Variants in C3orf52 observed in about 807,000 individuals in gnomAD.
The protein encoded by C3orf52 is chromosome 3 open reading frame 52, also known as TPA-induced transmembrane protein.
C3orf52 carries 22 observed loss-of-function variants against 24.8 expected under a neutral mutation model. That is an observed-to-expected ratio of 0.89 (90% confidence interval 0.63 to 1.27). The LOEUF (loss-of-function observed/expected upper bound fraction) is 1.27. Ranked by LOEUF, C3orf52 falls within the 50% of genes most tolerant of loss-of-function variation. C3orf52 has a pLI of 0.00. For missense variants in C3orf52, 265 were observed against 260.7 expected, an observed-to-expected ratio of 1.02 and a Z score of -0.11; for synonymous variants, 93 against 100.2, an observed-to-expected ratio of 0.93 and a Z score of 0.43.
chr3:112,091,414 G>A (rs1034515563), intron 1 of C3orf52, among the ~76,000 whole-genome samples: 3 of 152,160 alleles, frequency 2.0e-5, no homozygotes, highest in Non-Finnish European at 1.5e-5. Context: ...GACAGCTCAG[G>A]TATTGGAAGA....
Position 112,086,440 on chromosome 3 carries a change from C to G in C3orf52, c.33C>G (p.Asp11Glu), listed in dbSNP as rs1019112520. The change falls in exon 1 of 6, where the codon GAC (aspartate) becomes GAG (glutamate). Residue 11 changes from aspartate (D) to glutamate (E), a missense_variant. Asp to Glu is a conservative substitution (Grantham distance 45). Coordinates refer to ENST00000264848, the MANE Select transcript of C3orf52 (RefSeq NM_024616.3). ...TGGCCCAACCCTCACAGCCAGTAGACGAGCTGGAGCTCTCGGTGCTCGAGC... is the reference window on the plus strand; with the variant it reads ...TGGCCCAACCCTCACAGCCAGTAGAGGAGCTGGAGCTCTCGGTGCTCGAGC... MDLAQPSQPV[D>E]ELELSVLERQ... 8 of 1,550,974 alleles carry G rather than the reference C, an allele frequency of 5.2e-6. No individual in the cohort carries two copies. In the African/African-American group the frequency reaches 8.2e-5, roughly 16 times the overall value.
At chr3:112,090,739 G>A (rs1334813899) in intron 1 of C3orf52, among the ~76,000 whole-genome samples, 1 of 152,168 alleles carries the variant, frequency 6.6e-6, no homozygotes. Flanking sequence ...ATAAAGGCAT[G>A]AGAGGCCAAG....
rs1475187362 is a variant in C3orf52, at chr3:112,128,442, C to G, written c.*256C>G. On this transcript the variant is annotated 3_prime_UTR_variant, in exon 5 of 5. Transcript: ENST00000480282. Reference sequence around the variant, plus strand: ...TTTTCAGGTATGGGTTAGGCAATATCAGTATTTTACTATATTCTGAATTTC... The same window carrying G: ...TTTTCAGGTATGGGTTAGGCAATATGAGTATTTTACTATATTCTGAATTTC... The G allele has an allele frequency of 3.3e-5, 12 of 360,632 alleles. No individual in the cohort carries two copies. In the Admixed American group the frequency reaches 3.4e-4, roughly 10 times the overall value. The allele number at this position is 360,632 out of a possible 1,614,324, so 22.3% of individuals were successfully genotyped here.
At chr3:112,090,551 G>A (rs1403368642) in intron 1 of C3orf52, among the ~76,000 whole-genome samples, 1 of 152,108 alleles carries the variant, frequency 6.6e-6, no homozygotes, top group Non-Finnish European at 1.5e-5. Context: ...GCGCTCAGCG[G>A]TCTTCCTCTT....
At chr3:112,126,836 G>T in intron 4 of C3orf52, 1 of 655,194 alleles carries the variant, frequency 1.5e-6, no homozygotes, top group Non-Finnish European at 2.7e-6. Context: ...CATCTACTGA[G>T]GACAAAGGAC....
intron 1 of C3orf52, among the ~76,000 whole-genome samples, chr3:112,089,714 C>G (rs1051269189): frequency 1.3e-5 from 2 of 151,996 alleles, no homozygotes; most frequent in Non-Finnish European, 2.9e-5. Context: ...TTTCCCTGAT[C>G]TATATAATAT....
At chr3:112,129,179 C>T (rs985196399), downstream of C3orf52, 3 of 151,956 alleles carry the variant, frequency 2.0e-5, no homozygotes, top group Non-Finnish European at 2.9e-5. Flanking sequence ...AAGGAAACAT[C>T]GTAAGAAAAC....
Position 112,117,109 on chromosome 3 carries a change from G to A in C3orf52, c.*463G>A, listed in dbSNP as rs115835167. The A allele has an allele frequency of 2.5e-3, 1,516 of 605,806 alleles. 14 individuals carry two copies. The highest frequency in any genetic ancestry group is 0.024 in the African/African-American group (1,328 of 54,258). The allele number at this position is 605,806 out of a possible 1,614,324, so 37.5% of individuals were successfully genotyped here. A position where few individuals can be genotyped will look rare whatever the true frequency, so the allele number is the denominator to read the frequency against. The stretch of plus-strand genomic sequence containing the variant: ...ACTGTCTTCTTTTAGGTGGGATCGC[G>A]TAAGCATGAGCTGGTAGAGCACGGA... On this transcript the variant is annotated 3_prime_UTR_variant, in exon 6 of 6. Coordinates refer to ENST00000264848, the MANE Select transcript of C3orf52 (RefSeq NM_024616.3).
intron 3 of C3orf52, among the ~76,000 whole-genome samples, chr3:112,108,198 G>C (rs139367654): frequency 1.6e-3 from 250 of 152,282 alleles, no homozygotes; most frequent in Non-Finnish European, 2.8e-3. Context: ...GAAAGGAAAT[G>C]AGTGAGAAAT....
At chr3:112,123,689 G>A in intron 4 of C3orf52, 1 of 1,614,188 alleles carries the variant, frequency 6.2e-7, no homozygotes, top group Non-Finnish European at 8.5e-7. Context: ...CTTCAGCAGA[G>A]TTCCCTGATG....
chr3:112,104,062 C>A (rs76703654), intron 3 of C3orf52, among the ~76,000 whole-genome samples: 8,836 of 152,142 alleles, frequency 0.058, 348 homozygotes, highest in East Asian at 0.12. Flanking sequence ...AGGGCAGTGT[C>A]GGGAAAATAA....
At chr3:112,116,419 CAAAT>C (rs1326170651) in intron 5 of C3orf52, among the ~76,000 whole-genome samples, 1 of 152,174 alleles carries the variant, frequency 6.6e-6, no homozygotes, top group African/African-American at 2.4e-5. Flanking sequence ...CCTACCCAAA[CAAAT>C]AAGCAAGAAA....
intron 4 of C3orf52, among the ~76,000 whole-genome samples, chr3:112,126,505 G>C (rs1178244423): frequency 6.6e-6 from 1 of 152,058 alleles, no homozygotes; most frequent in Non-Finnish European, 1.5e-5. Context: ...TGCTCTTCCG[G>C]CTCCTTGCTG....
chr3:112,123,733 T>A, intron 4 of C3orf52: 1 of 1,614,026 alleles, frequency 6.2e-7, no homozygotes, highest in Non-Finnish European at 8.5e-7. Context: ...TTGATGAGGG[T>A]ATAGCACAGC....
Position 112,118,197 on chromosome 3 carries a change from A to G in C3orf52, c.*1551A>G, listed in dbSNP as rs1576152472. 6.6e-6 allele frequency: 1 copy of G among 152,162 alleles called. No homozygotes were observed. The highest frequency in any genetic ancestry group is 2.4e-5 in the African/African-American group (1 of 41,428). 9.4% of individuals were successfully genotyped at this position (152,162 alleles called of 1,614,324 possible). The stretch of plus-strand genomic sequence containing the variant: ...GATTTAAAAACATTTACAATACATT[A>G]TTTTTGCATCTGTGTTGTTGCATTC... On this transcript the variant is annotated 3_prime_UTR_variant, in exon 6 of 6. Transcript: ENST00000264848.
downstream of C3orf52, among the ~76,000 whole-genome samples, chr3:112,120,035 T>C (rs2074172890): frequency 6.6e-6 from 1 of 152,078 alleles, no homozygotes. Flanking sequence ...TGATCAGGGG[T>C]CAGGGGTGAA....
intron 4 of C3orf52, among the ~76,000 whole-genome samples, chr3:112,125,766 G>A (rs1203065389): frequency 6.6e-6 from 1 of 152,192 alleles, no homozygotes; most frequent in Non-Finnish European, 1.5e-5. Flanking sequence ...TGTGATAATT[G>A]GTGTTCAAGG....
Position 112,117,047 on chromosome 3 carries a change from ACCCAC to A in C3orf52, c.*403_*407del. 1.1e-6 allele frequency: 1 copy of A among 901,424 alleles called. No homozygotes were observed. Among genetic ancestry groups the A allele is most frequent in the Non-Finnish European group, 1.7e-6 (1 of 602,352 alleles). The allele number at this position is 901,424 out of a possible 1,614,324, so 55.8% of individuals were successfully genotyped here. Reference sequence around the variant, plus strand: ...GGCACTGCTATTCTTGAAGCACTCCACCCACCTGGGCTACTTTTTCTTTAGTGCAG... The same window carrying A: ...GGCACTGCTATTCTTGAAGCACTCCACTGGGCTACTTTTTCTTTAGTGCAG... On this transcript the variant is annotated 3_prime_UTR_variant, in exon 6 of 6. Coordinates refer to ENST00000264848, the MANE Select transcript of C3orf52 (RefSeq NM_024616.3).
At chr3:112,125,147 A>G in intron 4 of C3orf52, 1 of 929,116 alleles carries the variant, frequency 1.1e-6, no homozygotes, top group Admixed American at 1.7e-5. Flanking sequence ...GGGATCTCAG[A>G]GGCCAACTTC....
Sources: allele counts gnomAD v4.1 joint callset (sites outside exome capture counted in the v4.1 genomes callset), GRCh38; gene constraint gnomAD v4.1.1; transcripts MANE v1.5; gene names NCBI Gene and HGNC (gene_info 2026-07-23, HGNC 2026-07-21).